Variants in KCNQ3 observed in about 807,000 individuals in gnomAD.
KCNQ3 encodes the protein potassium voltage-gated channel subfamily Q member 3.
In KCNQ3, 30 loss-of-function variants were observed where a neutral mutation model predicts 92.5. The observed-to-expected ratio is 0.32, with a 90% CI of 0.24 to 0.44. The LOEUF is 0.44. Among genes scored for constraint, KCNQ3 ranks in the 20% least tolerant of loss-of-function variants. KCNQ3 has a pLI of 1.00. For synonymous variants in KCNQ3, 450 were observed against 468.8 expected, an observed-to-expected ratio of 0.96 and a Z score of 0.52; for missense variants, 913 against 1,140.3, an observed-to-expected ratio of 0.80 and a Z score of 2.87.
intron 1 of KCNQ3, among the ~76,000 whole-genome samples, chr8:132,341,145 G>A (rs1818516308): frequency 6.6e-6 from 1 of 152,174 alleles, no homozygotes; most frequent in Non-Finnish European, 1.5e-5. Context: ...GCAAAGAGAG[G>A]AACAGAAAAC....
At chr8:132,295,830 C>A (rs1019519452) in intron 1 of KCNQ3, among the ~76,000 whole-genome samples, 14 of 152,192 alleles carry the variant, frequency 9.2e-5, no homozygotes, top group African/African-American at 3.1e-4. Context: ...GGGAGCTGAA[C>A]AGTGAGAACA....
intron 1 of KCNQ3, among the ~76,000 whole-genome samples, chr8:132,442,367 C>T (rs1821560755): frequency 6.6e-6 from 1 of 152,240 alleles, no homozygotes; most frequent in Admixed American, 6.5e-5. Context: ...GAGAGCTTAG[C>T]AAGGGGGTAA....
chr8:132,474,148 C>G (rs916884905), intron 1 of KCNQ3, among the ~76,000 whole-genome samples: 2 of 152,198 alleles, frequency 1.3e-5, no homozygotes, highest in Non-Finnish European at 2.9e-5. Context: ...AAAGGGGAAT[C>G]CCTGGACAGC....
intron 1 of KCNQ3, among the ~76,000 whole-genome samples, chr8:132,340,509 G>A (rs1438498757): frequency 6.6e-6 from 1 of 152,096 alleles, no homozygotes; most frequent in African/African-American, 2.4e-5. Flanking sequence ...ACTAACACAA[G>A]AACAGAAAAC....
intron 1 of KCNQ3, among the ~76,000 whole-genome samples, chr8:132,450,240 G>A (rs1821790555): frequency 6.6e-6 from 1 of 152,100 alleles, no homozygotes; most frequent in South Asian, 2.1e-4. Context: ...ATTTTACAGA[G>A]TGCTGATTGG....
At chr8:132,295,622 T>C (rs748488444) in intron 1 of KCNQ3, among the ~76,000 whole-genome samples, 3 of 152,222 alleles carry the variant, frequency 2.0e-5, no homozygotes, top group Admixed American at 6.5e-5. Flanking sequence ...AGCAAAGACA[T>C]GGAATAAGCC....
chr8:132,476,880 C>T (rs904102335), intron 1 of KCNQ3, among the ~76,000 whole-genome samples: 3 of 152,138 alleles, frequency 2.0e-5, no homozygotes, highest in Non-Finnish European at 4.4e-5. Flanking sequence ...TGTGTCCCCA[C>T]CCAACTCTCG....
chr8:132,322,464 C>T (rs1817922438), intron 1 of KCNQ3, among the ~76,000 whole-genome samples: 2 of 152,180 alleles, frequency 1.3e-5, no homozygotes. Context: ...ATCTCCTCTC[C>T]ACCCCACACC....
intron 1 of KCNQ3, among the ~76,000 whole-genome samples, chr8:132,239,235 C>T (rs1814911834): frequency 6.6e-6 from 1 of 152,330 alleles, no homozygotes; most frequent in South Asian, 2.1e-4. Context: ...AGCCCTCCCT[C>T]CTGTTTAATT....
At position 132,386,312 on chromosome 8, in the gene KCNQ3, T is replaced by C. The variant is rs1586975908; in HGVS notation, c.386+93835A>G. On this transcript the variant is annotated intron_variant, in intron 1 of 14. Transcript: ENST00000388996. ...TACTCTTAAAAACAGCTTAATAAAA[T>C]TAAAAATATAAAAATATAAATTAAG... is the stretch of plus-strand genomic sequence containing the variant. Among the ~76,000 whole-genome samples the C allele has an allele frequency of 2.0e-5, 3 of 151,856 alleles. No individual in the cohort carries two copies. In the South Asian group the frequency reaches 6.2e-4, roughly 31 times the overall value.
Position 132,128,947 on chromosome 8 carries a change from T to A in KCNQ3, c.*315A>T. The A allele has an allele frequency of 3.0e-6, 1 of 333,466 alleles. No homozygotes were observed. Among genetic ancestry groups the A allele is most frequent in the South Asian group, 5.6e-5 (1 of 17,770 alleles). 20.7% of individuals were successfully genotyped at this position (333,466 alleles called of 1,614,324 possible). A position where few individuals can be genotyped will look rare whatever the true frequency, so the allele number is the denominator to read the frequency against. On this transcript the variant is annotated 3_prime_UTR_variant, in exon 15 of 15. Transcript: ENST00000388996. ...CCAAACAGACAAATAGCATGGCTCA[T>A]CAGTAATTTCTCCCTGTACTGGTCC...
intron 1 of KCNQ3, among the ~76,000 whole-genome samples, chr8:132,442,075 G>A (rs994067530): frequency 6.6e-6 from 1 of 152,170 alleles, no homozygotes; most frequent in East Asian, 1.9e-4. Flanking sequence ...CGGTCTTTCA[G>A]AGGGTGGAGG....
chr8:132,142,155 A>G (rs1825317372), intron 9 of KCNQ3, among the ~76,000 whole-genome samples: 1 of 152,176 alleles, frequency 6.6e-6, no homozygotes. Flanking sequence ...CTTCTTTTGT[A>G]TATTGTATTT....
rs530494243 is a variant in KCNQ3 at position 132,129,179 on chromosome 8, C to T, written c.*83G>A. 81 of 1,534,088 alleles carry T rather than the reference C, an allele frequency of 5.3e-5. No individual in the cohort carries two copies. Among genetic ancestry groups the T allele is most frequent in the South Asian group, 2.6e-4 (22 of 86,162 alleles). Reference sequence around the variant, plus strand: ...CATTTGATGCAGCCATTGGTGTCCCCGCTGGTAAGCGTCGGGTGTAAGAGT... The same window carrying T: ...CATTTGATGCAGCCATTGGTGTCCCTGCTGGTAAGCGTCGGGTGTAAGAGT... On this transcript the variant is annotated 3_prime_UTR_variant, in exon 15 of 15. Transcript: ENST00000388996. The surrounding 1 kb of genome is among the most constrained non-coding windows in gnomAD (Gnocchi z 5.9).
intron 1 of KCNQ3, among the ~76,000 whole-genome samples, chr8:132,335,222 G>A (rs1406110036): frequency 1.3e-5 from 2 of 152,024 alleles, no homozygotes; most frequent in Non-Finnish European, 2.9e-5. Context: ...TGTATTTTTA[G>A]TAGAGATGGG....
chr8:132,256,524 T>C (rs1815594830), intron 1 of KCNQ3, among the ~76,000 whole-genome samples: 1 of 152,080 alleles, frequency 6.6e-6, no homozygotes. Flanking sequence ...TCCAAGTAGA[T>C]AAACTTAGTG....
intron 1 of KCNQ3, among the ~76,000 whole-genome samples, chr8:132,408,535 G>A (rs1251464299): frequency 3.3e-5 from 5 of 152,140 alleles, no homozygotes; most frequent in South Asian, 4.1e-4. Context: ...CCTGTACAGC[G>A]CCCTCCCATG....
At chr8:132,162,838 CA>C (rs34429635) in intron 9 of KCNQ3, among the ~76,000 whole-genome samples, 4,443 of 152,300 alleles carry the variant, frequency 0.029, 211 homozygotes, top group African/African-American at 0.1. Flanking sequence ...CAAATTCTGT[CA>C]GCACTAGGAG....
intron 1 of KCNQ3, among the ~76,000 whole-genome samples, chr8:132,314,482 T>G (rs1017284257): frequency 4.6e-5 from 7 of 152,208 alleles, no homozygotes; most frequent in African/African-American, 1.7e-4. Flanking sequence ...AAAATACAAC[T>G]GAATATATCA....
Sources: allele counts gnomAD v4.1 joint callset (sites outside exome capture counted in the v4.1 genomes callset), GRCh38; gene constraint gnomAD v4.1.1; non-coding constraint Gnocchi (gnomAD v3.1); transcripts MANE v1.5; gene names NCBI Gene and HGNC (gene_info 2026-07-23, HGNC 2026-07-21).